PSMD13: variants seen among roughly 807,000 people sequenced by gnomAD.
PSMD13 encodes 26S proteasome non-ATPase regulatory subunit 13.
PSMD13 carries 8 observed loss-of-function variants against 57.4 expected under a neutral mutation model. That is an observed-to-expected ratio of 0.14 (90% CI 0.08 to 0.25). PSMD13 has a LOEUF of 0.25. Among genes scored for constraint, PSMD13 ranks in the 10% least tolerant of loss-of-function variants. The pLI is 1.00. For synonymous variants in PSMD13, 193 were observed against 168.2 expected (o/e 1.15, Z -1.14); for missense variants, 400 against 461.5 (o/e 0.87, Z 1.22).
In PSMD13 at chr11:248,867, C is replaced by T. The variant is rs777559153; in HGVS notation, c.648+12C>T. ...ACTTTGGAGAACTCGTAAGTTGACC[C>T]TGAGCTCAGCTTCCTTAACGAGAGA... On this transcript the variant is annotated intron_variant, in intron 8 of 12. Coordinates refer to ENST00000532097, the MANE Select transcript of PSMD13 (RefSeq NM_002817.4). 1 of 1,614,058 alleles carries T rather than the reference C, an allele frequency of 6.2e-7. No individual in the cohort carries two copies. Among genetic ancestry groups the T allele is most frequent in the Non-Finnish European group, 8.5e-7 (1 of 1,179,960 alleles).
At position 249,004 on chromosome 11, in the gene PSMD13, A is replaced by T. The variant is rs1859713271; in HGVS notation, c.721A>T (p.Asn241Tyr). Residue 241 changes from asparagine (N) to tyrosine (Y), a missense_variant, in exon 9 of 13, where the codon AAC becomes TAC. Physicochemically the swap from Asn to Tyr is moderately radical, Grantham distance 143 (BLOSUM62 -2). Coordinates refer to ENST00000532097, the MANE Select transcript of PSMD13 (RefSeq NM_002817.4). ...GCTGATTGACACCCTCTATGCCTTC[A>T]ACAGTGGCAACGTAGAGCGGTTCCA... The part of the protein sequence containing the change: ...QWLIDTLYAF[N>Y]SGNVERFQTL... 6.2e-7 allele frequency: 1 copy of T among 1,613,934 alleles called. No homozygotes were observed. Among genetic ancestry groups the T allele is most frequent in the African/African-American group, 1.3e-5 (1 of 74,916 alleles).
In PSMD13 at chr11:244,117, A is replaced by C. The variant is rs763610819; in HGVS notation, c.209+42A>C. The C allele has an allele frequency of 1.2e-5, 20 of 1,606,088 alleles. No homozygotes were observed. In the African/African-American group the frequency reaches 2.4e-4, roughly 19 times the overall value. Reference sequence around the variant, plus strand: ...CGTTTTTCACTTTGAAAATGAGTGCATTGATGCTCGGCGGTGCTCAAAGGC... The same window carrying C: ...CGTTTTTCACTTTGAAAATGAGTGCCTTGATGCTCGGCGGTGCTCAAAGGC... On this transcript the variant is annotated intron_variant, in intron 3 of 12. Coordinates refer to ENST00000532097, the MANE Select transcript of PSMD13 (RefSeq NM_002817.4).
At chr11:246,370 C>T (rs12801133) in intron 6 of PSMD13, among the ~76,000 whole-genome samples, 23,404 of 151,976 alleles carry the variant, frequency 0.15, 2,268 homozygotes, top group Middle Eastern at 0.21. Context: ...GGCATGGTGG[C>T]GGGCGCCTGT....
chr11:237,151 G>A lies in PSMD13; in HGVS notation c.95+7G>A. The A allele has an allele frequency of 1.2e-6, 2 of 1,609,056 alleles. No individual in the cohort carries two copies. The highest frequency in any genetic ancestry group is 1.3e-5 in the African/African-American group (1 of 74,844). On this transcript the variant is annotated splice_region_variant and intron_variant, in intron 1 of 12. Transcript: ENST00000532097. Reference sequence around the variant, plus strand: ...AGGAGCTCTACACGAAGAAGTGAGCGCCGAGCAGACGGGCCCTGGGCCCCG... The same window carrying A: ...AGGAGCTCTACACGAAGAAGTGAGCACCGAGCAGACGGGCCCTGGGCCCCG...
chr11:240,895 AG>A (rs1489790008), intron 2 of PSMD13, among the ~76,000 whole-genome samples: 2 of 151,510 alleles, frequency 1.3e-5, no homozygotes, highest in South Asian at 4.2e-4. Flanking sequence ...GCAATGGCAC[AG>A]TCTCAGCTCA....
intron 9 of PSMD13, among the ~76,000 whole-genome samples, chr11:249,999 C>T (rs1859739423): frequency 6.6e-6 from 1 of 151,388 alleles, no homozygotes; most frequent in African/African-American, 2.4e-5. Context: ...AAAAAGGTGA[C>T]ACTCAGAAAG....
intron 2 of PSMD13, 84 bp downstream of exon 2, chr11:239,160 A>G: frequency 2.4e-6 from 3 of 1,252,174 alleles, no homozygotes; most frequent in Non-Finnish European, 3.5e-6. Context: ...GCTAATAATA[A>G]TAATAAGCTC....
At position 237,008 on chromosome 11, in the gene PSMD13, A is replaced by C. The variant is rs188150985; in HGVS notation, c.-42A>C. 17 of 1,523,650 alleles carry C rather than the reference A, an allele frequency of 1.1e-5. No homozygotes were observed. In the Admixed American group the frequency reaches 1.2e-4, roughly 11 times the overall value. The allele number at this position is 1,523,650 out of a possible 1,614,324, so 94.4% of individuals were successfully genotyped here. On this transcript the variant is annotated 5_prime_UTR_variant, in exon 1 of 13. Coordinates refer to ENST00000532097, the MANE Select transcript of PSMD13 (RefSeq NM_002817.4). ...TCCGGCAGCCATCCCCGCGGTGCTG[A>C]CATCCCGGTTGTTCTTCTGTGCCGG...
Position 244,181 on chromosome 11 carries a change from T to G in PSMD13, c.230T>G (p.Val77Gly). The stretch of plus-strand genomic sequence containing the variant: ...TTCAGGGTGAACCCTTTGTCCCTCG[T>G]GGAAATCATTCTTCATGTAGTTAGA... Reference protein sequence around the residue: ...FEHRVNPLSLVEIILHVVRQM... With the variant: ...FEHRVNPLSLGEIILHVVRQM... Residue 77 changes from valine to glycine, a missense_variant, in exon 4 of 13, where the codon GTG (valine) becomes GGG (glycine). Physicochemically the swap from Val to Gly is moderately radical, Grantham distance 109. Transcript: ENST00000532097. The G allele has an allele frequency of 6.2e-7, 1 of 1,610,296 alleles. No homozygotes were observed. The highest frequency in any genetic ancestry group is 8.5e-7 in the Non-Finnish European group (1 of 1,177,146).
intron 9 of PSMD13, 137 bp from the exon 10 acceptor site, chr11:250,666 C>A: frequency 1.4e-6 from 1 of 694,162 alleles, no homozygotes; most frequent in Non-Finnish European, 2.6e-6. Flanking sequence ...CTTCAGCAGT[C>A]TGCAATGTGA....
rs754117647 is a variant in PSMD13 at position 251,869 on chromosome 11, G to A, written c.968G>A (p.Ser323Asn). The change falls in exon 12 of 13, where the codon AGT (serine) becomes AAT (asparagine). Residue 323 changes from serine (S) to asparagine (N), a missense_variant. Coordinates refer to ENST00000532097, the MANE Select transcript of PSMD13 (RefSeq NM_002817.4). This position sits in a 1 kb window ranked among gnomAD's most constrained non-coding sequence, Gnocchi z 4.6. Reference sequence around the variant, plus strand: ...CTTTCGGTGGGGCTGGTGAAAGGCAGTATAGACGAGGTGGACAAACGAGTC... The same window carrying A: ...CTTTCGGTGGGGCTGGTGAAAGGCAATATAGACGAGGTGGACAAACGAGTC... ...KALSVGLVKGSIDEVDKRVHM... is the reference protein window; with the variant it reads ...KALSVGLVKGNIDEVDKRVHM... The A allele has an allele frequency of 1.2e-6, 2 of 1,614,218 alleles. No individual in the cohort carries two copies. The highest frequency in any genetic ancestry group is 2.2e-5 in the East Asian group (1 of 44,888).
At position 252,437 on chromosome 11, in the gene PSMD13, T is replaced by C; in HGVS notation, c.1036-68T>C. On this transcript the variant is annotated intron_variant, in intron 12 of 12. Transcript: ENST00000532097. This position sits in a 1 kb window ranked among gnomAD's most constrained non-coding sequence, Gnocchi z 4.1. The stretch of plus-strand genomic sequence containing the variant: ...GATGTAGAGTCACCCCATCAGGTGC[T>C]GTGCCGGCCGCTCGGCCTGTGTCTC... 1.4e-6 allele frequency: 2 copies of C among 1,451,132 alleles called. No individual in the cohort carries two copies. Among genetic ancestry groups the C allele is most frequent in the Non-Finnish European group, 1.9e-6 (2 of 1,033,408 alleles). The allele number at this position is 1,451,132 out of a possible 1,614,324, so 89.9% of individuals were successfully genotyped here.
chr11:243,581 G>T, intron 2 of PSMD13: 1 of 374,800 alleles, frequency 2.7e-6, no homozygotes. Flanking sequence ...ATTTAAATAA[G>T]CAGGATAGAT....
chr11:251,556 C>G lies in PSMD13; in HGVS notation c.848C>G (p.Thr283Arg). 6.2e-7 allele frequency: 1 copy of G among 1,613,312 alleles called. No individual in the cohort carries two copies. Among genetic ancestry groups the G allele is most frequent in the Non-Finnish European group, 8.5e-7 (1 of 1,179,536 alleles). ...QLLCLMEMTF[T>R]RPANHRQLTF... ...TAAAATTTTTTCCAGATGACTTTCACACGACCTGCCAATCACAGACAACTC... is the reference window on the plus strand; with the variant it reads ...TAAAATTTTTTCCAGATGACTTTCAGACGACCTGCCAATCACAGACAACTC... Residue 283 changes from threonine to arginine, a missense_variant, in exon 11 of 13, where the codon ACA (threonine) becomes AGA (arginine). Thr to Arg is a moderately conservative substitution (Grantham distance 71). Coordinates refer to ENST00000532097, the MANE Select transcript of PSMD13 (RefSeq NM_002817.4). This position sits in a 1 kb window ranked among gnomAD's most constrained non-coding sequence, Gnocchi z 4.6.
In PSMD13 at chr11:239,062, G is replaced by C; in HGVS notation, c.160G>C (p.Asp54His). The change falls in exon 2 of 13, where the codon GAT becomes CAT. Residue 54 changes from aspartate to histidine, a missense_variant. Asp to His is a moderately conservative substitution (Grantham distance 81). Coordinates refer to ENST00000532097, the MANE Select transcript of PSMD13 (RefSeq NM_002817.4). ...GCAGGATCCGTGCTTTGCCCAAGGAGATGGTCTCATTAAGGTAAATAATTT... is the reference window on the plus strand; with the variant it reads ...GCAGGATCCGTGCTTTGCCCAAGGACATGGTCTCATTAAGGTAAATAATTT... ...FVQDPCFAQGDGLIKLYENFI... is the reference protein window; with the variant it reads ...FVQDPCFAQGHGLIKLYENFI... 1 of 1,613,938 alleles carries C rather than the reference G, an allele frequency of 6.2e-7. No individual in the cohort carries two copies. Among genetic ancestry groups the C allele is most frequent in the Non-Finnish European group, 8.5e-7 (1 of 1,179,810 alleles).
At chr11:244,601 A>C (rs889985741) in intron 5 of PSMD13, 74 bp from the exon 6 acceptor site, 1 of 1,524,574 alleles carries the variant, frequency 6.6e-7, no homozygotes, top group African/African-American at 1.4e-5. Flanking sequence ...AAGTTAATGT[A>C]CAAGTAGCTA....
chr11:250,925 G>A (rs1347288129), intron 10 of PSMD13, 60 bp downstream of exon 10: 15 of 1,446,392 alleles, frequency 1.0e-5, no homozygotes, highest in South Asian at 4.6e-5. Context: ...AGGTGGGGGC[G>A]CTGCACTCTC....
intron 9 of PSMD13, 149 bp downstream of exon 9, chr11:249,206 G>A: frequency 2.8e-5 from 32 of 1,135,576 alleles, no homozygotes; most frequent in Non-Finnish European, 3.7e-5. Context: ...TCATAGAGCA[G>A]AGAGTTAAGT....
chr11:246,276 G>T (rs1859645577), intron 6 of PSMD13, among the ~76,000 whole-genome samples: 1 of 152,158 alleles, frequency 6.6e-6, no homozygotes, highest in Admixed American at 6.5e-5. Context: ...GGCTGAGGCA[G>T]GTGGATCACA....
Sources: allele counts gnomAD v4.1 joint callset (sites outside exome capture counted in the v4.1 genomes callset), GRCh38; gene constraint gnomAD v4.1.1; non-coding constraint Gnocchi (gnomAD v3.1); transcripts MANE v1.5; gene names NCBI Gene and HGNC (gene_info 2026-07-23, HGNC 2026-07-21).